The following CDH13 variants were observed in gnomAD, a reference collection of about 807,000 sequenced individuals.
The protein encoded by CDH13 is cadherin 13.
CDH13 carries 24 observed loss-of-function variants against 63.8 expected under a neutral mutation model. The observed-to-expected ratio is 0.38, with a 90% CI of 0.27 to 0.53. The LOEUF is 0.53. Ranked by LOEUF, CDH13 falls within the 20% of genes least tolerant of loss-of-function variation. CDH13 has a pLI of 0.85. For synonymous variants in CDH13, 503 were observed against 355.3 expected, an observed-to-expected ratio of 1.42 and a Z score of -4.67; for missense variants, 1,049 against 903.1, an observed-to-expected ratio of 1.16 and a Z score of -2.07.
intron 1 of CDH13, among the ~76,000 whole-genome samples, chr16:82,695,161 C>A (rs911867192): frequency 6.6e-6 from 1 of 152,232 alleles, no homozygotes; most frequent in African/African-American, 2.4e-5. Context: ...CGAGTCCAGA[C>A]CCTGGGGGCC....
Position 83,543,816 on chromosome 16 carries a change from C to A in CDH13, c.960+57161C>A, listed in dbSNP as rs1386184710. 3.3e-5 allele frequency among the ~76,000 whole-genome samples: 5 copies of A among 152,220 alleles called. No individual in the cohort carries two copies. The East Asian group carries it at 9.6e-4, about 29-fold the overall frequency. ...CACAGTTCTCATCGCTACAGAGAATCTCTGGCCCCAAACGTCAGTAGTGCC... is the reference window on the plus strand; with the variant it reads ...CACAGTTCTCATCGCTACAGAGAATATCTGGCCCCAAACGTCAGTAGTGCC... On this transcript the variant is annotated intron_variant, in intron 7 of 13. Coordinates refer to ENST00000567109, the MANE Select transcript of CDH13 (RefSeq NM_001257.5).
chr16:83,057,944 G>C (rs919633468), intron 3 of CDH13, among the ~76,000 whole-genome samples: 62 of 151,910 alleles, frequency 4.1e-4, no homozygotes, highest in Non-Finnish European at 2.6e-4. Flanking sequence ...AATGGGGTCG[G>C]GGAAATGTCT....
At chr16:83,281,370 A>G (rs2089169307) in intron 5 of CDH13, among the ~76,000 whole-genome samples, 1 of 152,174 alleles carries the variant, frequency 6.6e-6, no homozygotes, top group Non-Finnish European at 1.5e-5. Context: ...AAGAGAGAGC[A>G]CTTTGGTCTG....
intron 2 of CDH13, among the ~76,000 whole-genome samples, chr16:83,010,667 T>A (rs1035610815): frequency 6.6e-6 from 1 of 152,190 alleles, no homozygotes; most frequent in Non-Finnish European, 1.5e-5. Flanking sequence ...CAAACAGGGC[T>A]GATGAAGTCC....
chr16:82,907,100 T>A (rs2041671868), intron 2 of CDH13, among the ~76,000 whole-genome samples: 1 of 152,198 alleles, frequency 6.6e-6, no homozygotes, highest in African/African-American at 2.4e-5. Context: ...AATTGGCCTC[T>A]TATTCAAGGC....
chr16:82,755,217 C>G (rs943106184), intron 1 of CDH13, among the ~76,000 whole-genome samples: 13 of 152,186 alleles, frequency 8.5e-5, no homozygotes, highest in African/African-American at 3.1e-4. Flanking sequence ...TTCCCTTTTT[C>G]TCTGCAGCTT....
At chr16:83,062,652 A>T (rs1004998396) in intron 3 of CDH13, among the ~76,000 whole-genome samples, 2 of 152,228 alleles carry the variant, frequency 1.3e-5, no homozygotes, top group African/African-American at 2.4e-5. Context: ...TAGAACAGTC[A>T]TAAAAGCAGG....
intron 1 of CDH13, among the ~76,000 whole-genome samples, chr16:82,806,582 G>C (rs535270827): frequency 3.3e-5 from 5 of 152,178 alleles, no homozygotes; most frequent in Non-Finnish European, 4.4e-5. Context: ...GAAAGTTAAG[G>C]AAAGGTCTTA....
At chr16:82,679,528 G>C (rs116321839) in intron 1 of CDH13, among the ~76,000 whole-genome samples, 4 of 152,160 alleles carry the variant, frequency 2.6e-5, no homozygotes, top group Non-Finnish European at 4.4e-5. Context: ...GGTGGAAACC[G>C]AGGCAGAAGA....
chr16:83,194,342 G>A (rs966600470), intron 4 of CDH13, among the ~76,000 whole-genome samples: 6 of 152,100 alleles, frequency 3.9e-5, no homozygotes, highest in Admixed American at 6.5e-5. Flanking sequence ...CAGATCCAGC[G>A]TAATTTTAAA....
chr16:83,012,295 T>C lies in CDH13; in HGVS notation c.158-19715T>C, dbSNP rs1914241623. 2.0e-5 allele frequency among the ~76,000 whole-genome samples: 3 copies of C among 150,018 alleles called. No homozygotes were observed. In the South Asian group the frequency reaches 6.3e-4, roughly 31 times the overall value. ...AAATTTAGAGAGATGTTAAAACAAT[T>C]TGGGGGTTGTTTGGTTTCTTTCCTT... On this transcript the variant is annotated intron_variant, in intron 2 of 13. Transcript: ENST00000567109.
intron 1 of CDH13, among the ~76,000 whole-genome samples, chr16:82,727,869 A>G (rs750014007): frequency 6.6e-6 from 1 of 152,150 alleles, no homozygotes; most frequent in Non-Finnish European, 1.5e-5. Context: ...AGTCTACAGC[A>G]TTTGAACAGA....
intron 3 of CDH13, among the ~76,000 whole-genome samples, chr16:83,095,268 C>A (rs1439603655): frequency 6.6e-5 from 10 of 152,156 alleles, no homozygotes; most frequent in Non-Finnish European, 1.3e-4. Flanking sequence ...CCAAAACTTT[C>A]ACCTCAATAA....
chr16:82,757,633 A>G (rs1411770568), intron 1 of CDH13, among the ~76,000 whole-genome samples: 2 of 95,304 alleles, frequency 2.1e-5, no homozygotes, highest in Non-Finnish European at 2.6e-5. Context: ...TAATAACGCC[A>G]TAGCTTTTTT....
chr16:82,673,627 C>T (rs1913554695), intron 1 of CDH13, among the ~76,000 whole-genome samples: 3 of 152,220 alleles, frequency 2.0e-5, no homozygotes, highest in Admixed American at 2.0e-4. Context: ...AAAAGGTTTT[C>T]ATTTCTGAGA....
intron 5 of CDH13, among the ~76,000 whole-genome samples, chr16:83,266,883 C>T (rs974401461): frequency 2.0e-5 from 3 of 152,158 alleles, no homozygotes; most frequent in Non-Finnish European, 4.4e-5. Context: ...ATGTCTTGTC[C>T]TAACTATCAA....
At chr16:83,425,716 T>G (rs1048720046) in intron 6 of CDH13, among the ~76,000 whole-genome samples, 1 of 152,134 alleles carries the variant, frequency 6.6e-6, no homozygotes, top group Non-Finnish European at 1.5e-5. Flanking sequence ...TAATCTGCAG[T>G]GTTCAAATAT....
At chr16:83,790,393 TTTTTG>T (rs747676732) in intron 13 of CDH13, among the ~76,000 whole-genome samples, 50 of 152,224 alleles carry the variant, frequency 3.3e-4, no homozygotes, top group Middle Eastern at 3.4e-3. Context: ...CTGTCAGTTT[TTTTTG>T]TTTTGTTTTG....
At chr16:83,446,075 G>A (rs956162590) in intron 6 of CDH13, among the ~76,000 whole-genome samples, 29 of 152,004 alleles carry the variant, frequency 1.9e-4, no homozygotes, top group Non-Finnish European at 4.1e-4. Flanking sequence ...GAGGTGGGGG[G>A]GCAGATTACA....
Sources: gnomAD v4.1 joint callset for allele counts (sites outside exome capture counted in the v4.1 genomes callset) on GRCh38, gnomAD v4.1.1 for gene constraint, MANE v1.5 for transcripts, NCBI Gene and HGNC (gene_info 2026-07-23, HGNC 2026-07-21) for gene names.